The following ITPR2 variants were observed in gnomAD, a reference collection of about 807,000 sequenced individuals.
ITPR2 encodes inositol 1,4,5-trisphosphate receptor type 2.
A neutral mutation model predicts 317.1 loss-of-function variants in ITPR2; 207 were observed. That is an observed-to-expected ratio of 0.65 (90% CI 0.58 to 0.73). The LOEUF is 0.73. ITPR2 is among the 30% of genes least tolerant of loss of function. ITPR2 has a pLI of 0.00. For missense variants in ITPR2, 2,613 were observed against 3,284.0 expected, an observed-to-expected ratio of 0.80 and a Z score of 4.99; for synonymous variants, 1,156 against 1,149.1, an observed-to-expected ratio of 1.01 and a Z score of -0.12.
At chr12:26,624,419 T>C in intron 23 of ITPR2, 63 bp from the exon 24 acceptor site, 2 of 1,100,528 alleles carry the variant, frequency 1.8e-6, no homozygotes, top group Non-Finnish European at 2.7e-6. Flanking sequence ...ATAATAGTCA[T>C]ATTAATATCA....
intron 37 of ITPR2, among the ~76,000 whole-genome samples, chr12:26,542,397 C>T (rs74354954): frequency 0.063 from 9,589 of 152,178 alleles, 341 homozygotes; most frequent in South Asian, 0.13. Context: ...AGCTCAGAAG[C>T]GCAACTGTTT....
intron 42 of ITPR2, among the ~76,000 whole-genome samples, chr12:26,481,726 T>C (rs1341542113): frequency 1.3e-5 from 2 of 152,208 alleles, no homozygotes; most frequent in Admixed American, 6.5e-5. Flanking sequence ...AATGCTAAAC[T>C]GATGACAAGA....
rs536586107 is a variant in ITPR2, at chr12:26,432,498, T to C, written c.6769+3723A>G. Among the ~76,000 whole-genome samples the C allele has an allele frequency of 3.3e-5, 5 of 151,790 alleles. No individual in the cohort carries two copies. In the South Asian group the frequency reaches 1.0e-3, roughly 31 times the overall value. ...GTGATCACTTTAAAGTTATTATTTT[T>C]CCTTTCATAATTAAGTATACTGTGG... On this transcript the variant is annotated intron_variant, in intron 48 of 56. Coordinates refer to ENST00000381340, the MANE Select transcript of ITPR2 (RefSeq NM_002223.4).
chr12:26,536,081 C>T (rs1259883426), intron 37 of ITPR2, among the ~76,000 whole-genome samples: 7 of 152,122 alleles, frequency 4.6e-5, no homozygotes. Context: ...ACACAGAGTG[C>T]CTGTGTATAT....
chr12:26,452,248 T>C (rs1941759480), intron 45 of ITPR2, among the ~76,000 whole-genome samples: 1 of 152,086 alleles, frequency 6.6e-6, no homozygotes, highest in South Asian at 2.1e-4. Flanking sequence ...TCCACCAGTT[T>C]TTTTTTTTAA....
chr12:26,557,602 G>C (rs1157457154), intron 35 of ITPR2, among the ~76,000 whole-genome samples: 1 of 152,210 alleles, frequency 6.6e-6, no homozygotes, highest in African/African-American at 2.4e-5. Context: ...GCATCAAGCT[G>C]AATGCCTACA....
intron 2 of ITPR2, among the ~76,000 whole-genome samples, chr12:26,755,705 C>A (rs1949509009): frequency 6.6e-6 from 1 of 152,204 alleles, no homozygotes; most frequent in African/African-American, 2.4e-5. Flanking sequence ...TACTAAGACA[C>A]AATTGAAGAA....
At chr12:26,618,989 C>G (rs567274673) in intron 26 of ITPR2, among the ~76,000 whole-genome samples, 1 of 152,058 alleles carries the variant, frequency 6.6e-6, no homozygotes, top group Non-Finnish European at 1.5e-5. Context: ...TAGTGGTTTC[C>G]TCTGTTATAT....
At chr12:26,520,678 C>T (rs1000610633) in intron 37 of ITPR2, among the ~76,000 whole-genome samples, 3 of 152,140 alleles carry the variant, frequency 2.0e-5, no homozygotes, top group African/African-American at 7.2e-5. Context: ...TTCTTTTCAT[C>T]TTTCATTTCT....
intron 35 of ITPR2, among the ~76,000 whole-genome samples, chr12:26,558,182 T>C (rs936966247): frequency 2.6e-5 from 4 of 152,252 alleles, no homozygotes; most frequent in African/African-American, 9.6e-5. Context: ...AGCATGTTTA[T>C]CAAATATGAC....
At chr12:26,645,834 GTAT>G (rs1364266266) in intron 21 of ITPR2, among the ~76,000 whole-genome samples, 1 of 152,118 alleles carries the variant, frequency 6.6e-6, no homozygotes, top group Non-Finnish European at 1.5e-5. Context: ...TAGCTTGTAC[GTAT>G]GTGTTCTTTG....
At chr12:26,716,553 G>A (rs975678081) in intron 5 of ITPR2, among the ~76,000 whole-genome samples, 10 of 151,914 alleles carry the variant, frequency 6.6e-5, no homozygotes, top group African/African-American at 1.5e-4. Context: ...CCCTCCCCAC[G>A]AGGTCTTATG....
chr12:26,769,901 G>A lies in ITPR2; in HGVS notation c.163+20256C>T, dbSNP rs138231539. Among the ~76,000 whole-genome samples, 26 of 152,094 alleles carry A rather than the reference G, an allele frequency of 1.7e-4. No individual in the cohort carries two copies. In the East Asian group the frequency reaches 3.5e-3, roughly 20 times the overall value. Reference sequence around the variant, plus strand: ...CAGTCCATGTTTCTTACCACATCACGTTCCTAGAAATACATTATCAAAAGA... The same window carrying A: ...CAGTCCATGTTTCTTACCACATCACATTCCTAGAAATACATTATCAAAAGA... On this transcript the variant is annotated intron_variant, in intron 2 of 56. Coordinates refer to ENST00000381340, the MANE Select transcript of ITPR2 (RefSeq NM_002223.4).
At chr12:26,553,555 T>C (rs1591891540) in intron 36 of ITPR2, among the ~76,000 whole-genome samples, 1 of 151,262 alleles carries the variant, frequency 6.6e-6, no homozygotes, top group Non-Finnish European at 1.5e-5. Flanking sequence ...GGGAGGCCGA[T>C]GTGGGTGGAT....
intron 3 of ITPR2, 101 bp downstream of exon 3, chr12:26,725,549 G>T: frequency 1.3e-6 from 1 of 742,082 alleles, no homozygotes; most frequent in Non-Finnish European, 2.3e-6. Context: ...CTAAATCTCT[G>T]TGTTTTGGGT....
At chr12:26,716,096 T>C in intron 6 of ITPR2, 48 bp downstream of exon 6, 1 of 1,227,984 alleles carries the variant, frequency 8.1e-7, no homozygotes, top group Non-Finnish European at 1.2e-6. Flanking sequence ...TCTCCCTCTG[T>C]CTCATGAGAA....
intron 37 of ITPR2, among the ~76,000 whole-genome samples, chr12:26,518,879 A>G (rs1221936115): frequency 2.6e-5 from 4 of 152,162 alleles, no homozygotes; most frequent in African/African-American, 9.6e-5. Flanking sequence ...TTAAATGATC[A>G]CAAGATTTTC....
At chr12:26,672,869 T>C (rs1183939839) in intron 13 of ITPR2, among the ~76,000 whole-genome samples, 1 of 151,748 alleles carries the variant, frequency 6.6e-6, no homozygotes, top group African/African-American at 2.4e-5. Flanking sequence ...AAAGGGGATA[T>C]CACCACCGAT....
intron 34 of ITPR2, among the ~76,000 whole-genome samples, chr12:26,567,952 A>ATATATATATATATATATTATATATAT (rs1224414218): frequency 0.011 from 68 of 5,982 alleles, no homozygotes; most frequent in Non-Finnish European, 0.027. Context: ...TATATATATT[A>ATATATATATATATATATTATATATAT]TATATATATA....
Sources: allele counts gnomAD v4.1 joint callset (sites outside exome capture counted in the v4.1 genomes callset), GRCh38; gene constraint gnomAD v4.1.1; transcripts MANE v1.5; gene names NCBI Gene and HGNC (gene_info 2026-07-23, HGNC 2026-07-21).